Variants in RGS22 observed in about 807,000 individuals in gnomAD.
RGS22 encodes regulator of G-protein signaling 22.
In RGS22, 148 loss-of-function variants were observed where a neutral mutation model predicts 172.9. The ratio of observed to expected loss-of-function variants is 0.86; its 90% CI spans 0.75 to 0.98. The LOEUF (loss-of-function observed/expected upper bound fraction) is 0.98, where lower values mean the gene tolerates loss of function less well. RGS22 is among the 50% of genes least tolerant of loss of function. RGS22 has a pLI of 0.00. For missense variants in RGS22, 1,347 were observed against 1,440.8 expected (o/e 0.93, Z 1.05); for synonymous variants, 458 against 480.2 (o/e 0.95, Z 0.60).
At chr8:100,094,678 T>G (rs1294689299) in intron 2 of RGS22, among the ~76,000 whole-genome samples, 1 of 152,252 alleles carries the variant, frequency 6.6e-6, no homozygotes, top group African/African-American at 2.4e-5. Context: ...AAGAAAGTCC[T>G]GATTGGCAAA....
chr8:100,086,015 G>A (rs1233486051), intron 3 of RGS22, among the ~76,000 whole-genome samples: 2 of 152,146 alleles, frequency 1.3e-5, no homozygotes, highest in African/African-American at 4.8e-5. Flanking sequence ...GGAAATTAAG[G>A]AAGATGTATA....
intron 20 of RGS22, among the ~76,000 whole-genome samples, chr8:99,990,927 A>G (rs1207987452): frequency 2.0e-5 from 3 of 152,162 alleles, no homozygotes; most frequent in Non-Finnish European, 4.4e-5. Flanking sequence ...TCAGGCAGCA[A>G]TATTTGCTGT....
intron 20 of RGS22, among the ~76,000 whole-genome samples, chr8:99,995,086 C>G (rs953855630): frequency 6.6e-6 from 1 of 152,152 alleles, no homozygotes; most frequent in Non-Finnish European, 1.5e-5. Flanking sequence ...AAACTCAATC[C>G]CTTCCTTACA....
intron 20 of RGS22, among the ~76,000 whole-genome samples, chr8:99,990,213 A>G (rs181061766): frequency 2.9e-3 from 439 of 152,262 alleles, no homozygotes; most frequent in Middle Eastern, 0.01. Flanking sequence ...TAGATGTGAT[A>G]ATGAGCTATG....
At chr8:100,024,049 C>A (rs898679178) in intron 14 of RGS22, 2 of 152,224 alleles carry the variant, frequency 1.3e-5, no homozygotes, top group Admixed American at 6.5e-5. Flanking sequence ...TCACTGCAAC[C>A]TCCACCACCC....
intron 14 of RGS22, among the ~76,000 whole-genome samples, chr8:100,024,859 A>G (rs1443757563): frequency 6.6e-6 from 1 of 152,210 alleles, no homozygotes. Flanking sequence ...AGGATTGTCT[A>G]GAATTAAATA....
intron 14 of RGS22, among the ~76,000 whole-genome samples, chr8:100,029,355 C>T (rs1037786759): frequency 7.2e-5 from 11 of 152,058 alleles, no homozygotes; most frequent in African/African-American, 2.7e-4. Context: ...GAAGAGATAA[C>T]TAATGCAGCT....
Position 99,962,873 on chromosome 8 carries a change from G to A in RGS22, c.3709+12C>T. The A allele has an allele frequency of 5.7e-6, 9 of 1,588,136 alleles. No individual in the cohort carries two copies. The highest frequency in any genetic ancestry group is 6.8e-6 in the Non-Finnish European group (8 of 1,173,390). ...TAAAAAAGTAAACTTGTAGGCAGAA[G>A]GCAAAAATTACCTGCAAACAACTTT... On this transcript the variant is annotated intron_variant, in intron 25 of 27. Coordinates refer to ENST00000360863, the MANE Select transcript of RGS22 (RefSeq NM_015668.5).
chr8:100,051,391 A>T (rs1175882584), intron 10 of RGS22, among the ~76,000 whole-genome samples: 1 of 131,962 alleles, frequency 7.6e-6, no homozygotes, highest in Non-Finnish European at 1.6e-5. Flanking sequence ...TTTTATATAT[A>T]TTTTTATATA....
At chr8:100,012,099 T>TTATA (rs111749978) in intron 14 of RGS22, among the ~76,000 whole-genome samples, 4 of 150,492 alleles carry the variant, frequency 2.7e-5, no homozygotes, top group South Asian at 4.2e-4. Context: ...ATAATATATA[T>TTATA]TATATATATA....
In RGS22 at chr8:99,999,407, C is replaced by T. The variant is rs1814761944; in HGVS notation, c.2804G>A (p.Ser935Asn). The change falls in exon 19 of 28, where the codon AGT becomes AAT. Residue 935 changes from serine to asparagine, a missense_variant. Physicochemically the swap from Ser to Asn is conservative, Grantham distance 46. Transcript: ENST00000360863. ...LYQQNQVMHL[S>N]GGWGKILHEQ... Reference sequence around the variant, plus strand: ...ATGAAGAATCTTCCCCCAGCCACCACTTAAATGCATTACCTAAGAAAATTA... The same window carrying T: ...ATGAAGAATCTTCCCCCAGCCACCATTTAAATGCATTACCTAAGAAAATTA... 13 of 1,613,428 alleles carry T rather than the reference C, an allele frequency of 8.1e-6. No homozygotes were observed. The highest frequency in any genetic ancestry group is 1.3e-5 in the African/African-American group (1 of 74,996).
intron 4 of RGS22, among the ~76,000 whole-genome samples, chr8:100,077,761 C>T (rs939506650): frequency 2.0e-5 from 3 of 152,142 alleles, no homozygotes; most frequent in African/African-American, 7.2e-5. Context: ...TTTTTCAGAA[C>T]TTCCATTTCC....
chr8:100,012,160 C>T (rs1183104586), intron 14 of RGS22, among the ~76,000 whole-genome samples: 1 of 151,688 alleles, frequency 6.6e-6, no homozygotes, highest in Admixed American at 6.6e-5. Context: ...GGTTAAAGTG[C>T]AATTGAAATG....
chr8:100,026,770 A>G (rs578195126), intron 14 of RGS22, among the ~76,000 whole-genome samples: 43 of 152,388 alleles, frequency 2.8e-4, no homozygotes, highest in African/African-American at 9.9e-4. Flanking sequence ...CCTAAGAAGC[A>G]TAAGACTAAA....
intron 21 of RGS22, among the ~76,000 whole-genome samples, chr8:99,983,180 C>T (rs1812731720): frequency 6.6e-6 from 1 of 152,036 alleles, no homozygotes; most frequent in African/African-American, 2.4e-5. Context: ...GTATATGTAC[C>T]ACATTTTCTT....
intron 14 of RGS22, among the ~76,000 whole-genome samples, chr8:100,029,664 T>C (rs1181776012): frequency 2.1e-5 from 3 of 142,248 alleles, no homozygotes; most frequent in South Asian, 2.2e-4. Context: ...GATCATGCCA[T>C]TGGACTCCAG....
chr8:99,988,886 T>C (rs1813392281), intron 20 of RGS22, among the ~76,000 whole-genome samples: 1 of 152,186 alleles, frequency 6.6e-6, no homozygotes, highest in Non-Finnish European at 1.5e-5. Context: ...TGGTCCATAT[T>C]AAAATTATAG....
intron 14 of RGS22, among the ~76,000 whole-genome samples, chr8:100,009,440 AAAAAG>A (rs1816121694): frequency 6.8e-6 from 1 of 146,590 alleles, no homozygotes; most frequent in Admixed American, 6.7e-5. Flanking sequence ...AAAAAAAAAA[AAAAAG>A]AGTGAATGGA....
rs1815999332 is a variant in RGS22 at position 100,008,549 on chromosome 8, A to T, written c.2187T>A (p.Val729=). ...CAATGTCAAGAGTGGCAGAAGGAGC[A>T]ACGTATGTGGCAAAAAGATACTGAA... ...KQAQYLFATY[V]APSATLDIGL... The change falls in exon 15 of 28, where the codon GTT becomes GTA. Residue 729 remains valine (V), a synonymous_variant. Transcript: ENST00000360863. 6.2e-7 allele frequency: 1 copy of T among 1,609,700 alleles called. No homozygotes were observed. Among genetic ancestry groups the T allele is most frequent in the East Asian group, 2.2e-5 (1 of 44,832 alleles).
Sources: allele counts gnomAD v4.1 joint callset (sites outside exome capture counted in the v4.1 genomes callset), GRCh38; gene constraint gnomAD v4.1.1; transcripts MANE v1.5; gene names NCBI Gene and HGNC (gene_info 2026-07-23, HGNC 2026-07-21).